The following CFDP1 variants were observed in gnomAD, a reference collection of about 807,000 sequenced individuals.
The protein encoded by CFDP1 is chromatin remodeling protein CFDP1.
A neutral mutation model predicts 40.1 loss-of-function variants in CFDP1; 31 were observed. That is an observed-to-expected ratio of 0.77 (90% CI 0.58 to 1.04). The LOEUF (loss-of-function observed/expected upper bound fraction) is 1.04. Ranked by LOEUF, CFDP1 falls within the 50% of genes least tolerant of loss-of-function variation. The pLI is 0.00. For synonymous variants in CFDP1, 167 were observed against 120.0 expected (o/e 1.39, Z -2.56); for missense variants, 423 against 343.4 (o/e 1.23, Z -1.83).
chr16:75,421,200 G>T (rs2079276307), intron 1 of CFDP1, among the ~76,000 whole-genome samples: 1 of 152,148 alleles, frequency 6.6e-6, no homozygotes, highest in South Asian at 2.1e-4. Context: ...AAGCTGCAAG[G>T]CAGGAAGCAC....
intron 5 of CFDP1, among the ~76,000 whole-genome samples, chr16:75,369,975 T>C (rs1234774986): frequency 1.3e-5 from 2 of 152,152 alleles, no homozygotes. Context: ...GGTTTCACCA[T>C]GTCGTCCAGG....
chr16:75,336,406 C>G (rs2078487973), intron 5 of CFDP1, among the ~76,000 whole-genome samples: 1 of 152,180 alleles, frequency 6.6e-6, no homozygotes, highest in Non-Finnish European at 1.5e-5. Flanking sequence ...AGGTAGGGAG[C>G]AAGAACATTG....
intron 5 of CFDP1, among the ~76,000 whole-genome samples, chr16:75,352,078 C>T (rs1377679634): frequency 6.8e-6 from 1 of 147,422 alleles, no homozygotes; most frequent in Non-Finnish European, 1.5e-5. Flanking sequence ...CTGTGGCTCA[C>T]ACCTGTAATC....
At chr16:75,349,460 G>A (rs1274529614) in intron 5 of CFDP1, among the ~76,000 whole-genome samples, 6 of 150,052 alleles carry the variant, frequency 4.0e-5, no homozygotes, top group Admixed American at 6.7e-5. Flanking sequence ...GGTGAGCCAG[G>A]ATCATGCCAC....
chr16:75,424,870 G>T (rs2079318889), intron 1 of CFDP1, among the ~76,000 whole-genome samples: 1 of 151,678 alleles, frequency 6.6e-6, no homozygotes, highest in Non-Finnish European at 1.5e-5. Context: ...AAATATAAAA[G>T]GTAAACATAT....
At chr16:75,374,446 G>T (rs969913698) in intron 5 of CFDP1, among the ~76,000 whole-genome samples, 1 of 151,978 alleles carries the variant, frequency 6.6e-6, no homozygotes, top group East Asian at 1.9e-4. Flanking sequence ...GAACAGAAAA[G>T]TATCTCATAC....
intron 5 of CFDP1, among the ~76,000 whole-genome samples, chr16:75,371,807 C>T (rs1280428220): frequency 1.3e-5 from 2 of 152,096 alleles, no homozygotes; most frequent in African/African-American, 2.4e-5. Flanking sequence ...AATCTATATA[C>T]GTTTTTAATA....
At chr16:75,423,037 T>C (rs1203826332) in intron 1 of CFDP1, among the ~76,000 whole-genome samples, 4 of 151,768 alleles carry the variant, frequency 2.6e-5, no homozygotes, top group Non-Finnish European at 5.9e-5. Context: ...TCCCAGCACT[T>C]TGGGAGGCCG....
At chr16:75,433,200 A>G in intron 1 of CFDP1, 89 bp downstream of exon 1, 1 of 1,316,876 alleles carries the variant, frequency 7.6e-7, no homozygotes. Context: ...CACCTGGGCC[A>G]CAGGGCAGAC....
chr16:75,408,122 G>A (rs372383193), intron 4 of CFDP1, among the ~76,000 whole-genome samples: 1 of 150,866 alleles, frequency 6.6e-6, no homozygotes, highest in Non-Finnish European at 1.5e-5. Flanking sequence ...AAGGAAGGAA[G>A]GAAGGGAGAG....
At chr16:75,373,034 C>T (rs1296918302) in intron 5 of CFDP1, among the ~76,000 whole-genome samples, 1 of 152,126 alleles carries the variant, frequency 6.6e-6, no homozygotes, top group Non-Finnish European at 1.5e-5. Flanking sequence ...ATTCCTGATG[C>T]AGGAACTGAA....
chr16:75,374,448 A>G (rs1442385206), intron 5 of CFDP1, among the ~76,000 whole-genome samples: 1 of 152,204 alleles, frequency 6.6e-6, no homozygotes, highest in Admixed American at 6.5e-5. Flanking sequence ...ACAGAAAAGT[A>G]TCTCATACAG....
chr16:75,399,261 C>A (rs1015410762), intron 4 of CFDP1, among the ~76,000 whole-genome samples: 2 of 152,092 alleles, frequency 1.3e-5, no homozygotes, highest in African/African-American at 4.8e-5. Flanking sequence ...GTAAAAATAA[C>A]CAAAATAAAC....
At chr16:75,426,307 G>A (rs542572568) in intron 1 of CFDP1, among the ~76,000 whole-genome samples, 1 of 152,162 alleles carries the variant, frequency 6.6e-6, no homozygotes, top group African/African-American at 2.4e-5. Flanking sequence ...CCAAGATCAT[G>A]ACATTGCACT....
intron 5 of CFDP1, among the ~76,000 whole-genome samples, chr16:75,349,014 A>G (rs2078589543): frequency 6.6e-6 from 1 of 152,022 alleles, no homozygotes; most frequent in African/African-American, 2.4e-5. Context: ...CTACAGGGGC[A>G]TGCCACCACA....
At chr16:75,319,858 A>C (rs2078349906) in intron 5 of CFDP1, among the ~76,000 whole-genome samples, 1 of 152,232 alleles carries the variant, frequency 6.6e-6, no homozygotes, top group African/African-American at 2.4e-5. Context: ...CCTAAGTGTC[A>C]CTTTGCTAAG....
At chr16:75,299,584 G>C (rs761675726) in intron 6 of CFDP1, among the ~76,000 whole-genome samples, 9 of 149,596 alleles carry the variant, frequency 6.0e-5, no homozygotes, top group African/African-American at 2.2e-4. Context: ...AAAAGAGCGA[G>C]ACTCCATCTC....
At chr16:75,340,381 G>C (rs1437135261) in intron 5 of CFDP1, among the ~76,000 whole-genome samples, 1 of 152,186 alleles carries the variant, frequency 6.6e-6, no homozygotes, top group African/African-American at 2.4e-5. Flanking sequence ...GTAAGCTACA[G>C]ACAGGATCTG....
At chr16:75,305,770 G>A (rs1302051289) in intron 5 of CFDP1, among the ~76,000 whole-genome samples, 2 of 152,188 alleles carry the variant, frequency 1.3e-5, no homozygotes, top group African/African-American at 4.8e-5. Context: ...ACTGATGAGT[G>A]AAAAGTCACA....
Sources: gnomAD v4.1 joint callset for allele counts (sites outside exome capture counted in the v4.1 genomes callset) on GRCh38, gnomAD v4.1.1 for gene constraint, MANE v1.5 for transcripts, NCBI Gene and HGNC (gene_info 2026-07-23, HGNC 2026-07-21) for gene names.